The following LGR4 variants were observed in gnomAD, a reference collection of about 807,000 sequenced individuals.
LGR4 encodes the protein leucine-rich repeat-containing G protein-coupled receptor 4.
Under a neutral mutation model 84.8 loss-of-function variants are expected in LGR4, and 44 were observed. The observed-to-expected ratio is 0.52, with a 90% CI of 0.41 to 0.67. The LOEUF is 0.67. Ranked by LOEUF, LGR4 falls within the 30% of genes least tolerant of loss-of-function variation. The pLI, the probability that LGR4 is intolerant of heterozygous loss-of-function variation, is 0.00. For missense variants in LGR4, 1,032 were observed against 1,131.4 expected, an observed-to-expected ratio of 0.91 and a Z score of 1.26; for synonymous variants, 429 against 434.3, an observed-to-expected ratio of 0.99 and a Z score of 0.15.
rs547192960 is a variant in LGR4 at position 27,443,367 on chromosome 11, C to G, written c.185+28751G>C. On this transcript the variant is annotated intron_variant, in intron 1 of 17. Transcript: ENST00000379214. ...ACTGAACACCAGAGAGGTTAGAAGT[C>G]TGAACTAATGGGTAGGTGGTCTCTG... Among the ~76,000 whole-genome samples, 43 of 152,274 alleles carry G rather than the reference C, an allele frequency of 2.8e-4. 2 individuals carry two copies. The South Asian group carries it at 8.9e-3, about 32-fold the overall frequency.
At chr11:27,471,533 C>T (rs527269437) in intron 1 of LGR4, among the ~76,000 whole-genome samples, 31 of 152,360 alleles carry the variant, frequency 2.0e-4, no homozygotes, top group African/African-American at 7.2e-4. Context: ...GGAACTGGGC[C>T]GAGGTAGGTG....
At chr11:27,425,096 C>T (rs1863997942) in intron 1 of LGR4, among the ~76,000 whole-genome samples, 1 of 152,142 alleles carries the variant, frequency 6.6e-6, no homozygotes, top group South Asian at 2.1e-4. Context: ...CTCTGCTTAA[C>T]TTTATCAGTC....
intron 1 of LGR4, among the ~76,000 whole-genome samples, chr11:27,440,881 G>A (rs751772697): frequency 1.3e-5 from 2 of 152,192 alleles, no homozygotes; most frequent in South Asian, 2.1e-4. Context: ...AATCCTAGAG[G>A]TGGGTCTCAG....
rs550106279 is a variant in LGR4 at position 27,433,590 on chromosome 11, C to T, written c.186-20730G>A. Among the ~76,000 whole-genome samples the T allele has an allele frequency of 2.0e-5, 3 of 152,060 alleles. No homozygotes were observed. In the East Asian group the frequency reaches 5.8e-4, roughly 29 times the overall value. The stretch of plus-strand genomic sequence containing the variant: ...TCTTCAGAGTGTGCTCTAAACTATC[C>T]TCCCTGTGAATGTTTCTCCTATAGT... On this transcript the variant is annotated intron_variant, in intron 1 of 17. Coordinates refer to ENST00000379214, the MANE Select transcript of LGR4 (RefSeq NM_018490.5).
chr11:27,373,355 C>A, intron 15 of LGR4, 196 bp downstream of exon 15: 1 of 464,950 alleles, frequency 2.2e-6, no homozygotes, highest in East Asian at 3.2e-5. Flanking sequence ...ATCAAGGGCT[C>A]CAGTTCACAT....
At chr11:27,467,566 C>CAAAAAAAAAAAAAAA (rs761925670) in intron 1 of LGR4, among the ~76,000 whole-genome samples, 1 of 51,834 alleles carries the variant, frequency 1.9e-5, no homozygotes, top group African/African-American at 5.2e-5. Context: ...GAGTCCGTCT[C>CAAAAAAAAAAAAAAA]AAAAAAAAAA....
At chr11:27,382,750 G>T (rs1863120092) in intron 6 of LGR4, among the ~76,000 whole-genome samples, 1 of 152,170 alleles carries the variant, frequency 6.6e-6, no homozygotes, top group African/African-American at 2.4e-5. Context: ...CAGGCACAGT[G>T]GTTCATGCCT....
intron 1 of LGR4, among the ~76,000 whole-genome samples, chr11:27,458,361 G>A (rs2133451508): frequency 6.6e-6 from 1 of 152,096 alleles, no homozygotes; most frequent in Non-Finnish European, 1.5e-5. Context: ...ACTACAGAGA[G>A]GCATGGAAAT....
chr11:27,407,110 C>T (rs901773416), intron 2 of LGR4, among the ~76,000 whole-genome samples: 1 of 152,110 alleles, frequency 6.6e-6, no homozygotes, highest in African/African-American at 2.4e-5. Flanking sequence ...TTGGACAAGC[C>T]ACTTATCTAC....
intron 1 of LGR4, among the ~76,000 whole-genome samples, chr11:27,465,751 G>A (rs1010306259): frequency 7.2e-5 from 11 of 152,222 alleles, no homozygotes; most frequent in African/African-American, 2.4e-4. Flanking sequence ...AGACAATAGA[G>A]TTGACACCTA....
intron 1 of LGR4, among the ~76,000 whole-genome samples, chr11:27,463,894 G>A (rs953114212): frequency 3.3e-5 from 5 of 152,136 alleles, no homozygotes; most frequent in South Asian, 2.1e-4. Context: ...TAAGAATTCC[G>A]CGTACACTTC....
intron 1 of LGR4, among the ~76,000 whole-genome samples, chr11:27,420,658 TACAC>T (rs1379152693): frequency 6.6e-6 from 1 of 152,064 alleles, no homozygotes; most frequent in Non-Finnish European, 1.5e-5. Context: ...TGTACATTCA[TACAC>T]ACACACCTAT....
chr11:27,419,647 T>TA (rs1309088280), intron 1 of LGR4, among the ~76,000 whole-genome samples: 6 of 147,968 alleles, frequency 4.1e-5, no homozygotes, highest in Admixed American at 1.4e-4. Context: ...ATTATATATA[T>TA]ACACATATAT....
intron 1 of LGR4, among the ~76,000 whole-genome samples, chr11:27,459,123 G>A (rs937294458): frequency 6.6e-6 from 1 of 152,138 alleles, no homozygotes; most frequent in African/African-American, 2.4e-5. Flanking sequence ...TTGTTATTCA[G>A]CTTATGTTCA....
intron 1 of LGR4, among the ~76,000 whole-genome samples, chr11:27,443,818 C>A (rs1864341756): frequency 6.6e-6 from 1 of 152,152 alleles, no homozygotes; most frequent in East Asian, 1.9e-4. Flanking sequence ...GCAGTTAAAT[C>A]CAACAGCAGC....
chr11:27,415,329 T>G (rs1335829848), intron 1 of LGR4, among the ~76,000 whole-genome samples: 1 of 152,142 alleles, frequency 6.6e-6, no homozygotes, highest in Non-Finnish European at 1.5e-5. Flanking sequence ...ACAGAAAAAC[T>G]GATTAATTTC....
intron 10 of LGR4, 68 bp from the exon 11 acceptor site, chr11:27,378,836 A>G (rs1863037627): frequency 4.8e-6 from 5 of 1,051,698 alleles, no homozygotes; most frequent in Admixed American, 1.8e-5. Context: ...TTATTCCCAT[A>G]TAGAATAAGT....
intron 1 of LGR4, among the ~76,000 whole-genome samples, chr11:27,425,682 A>G (rs1395901459): frequency 2.0e-5 from 3 of 152,182 alleles, no homozygotes; most frequent in African/African-American, 4.8e-5. Context: ...TATGGACAGT[A>G]AATGAACTGA....
intron 2 of LGR4, among the ~76,000 whole-genome samples, chr11:27,397,190 T>C (rs1863408063): frequency 6.6e-6 from 1 of 152,190 alleles, no homozygotes; most frequent in Non-Finnish European, 1.5e-5. Flanking sequence ...TCTCCTTCAC[T>C]TGAAATACCC....
Sources: gnomAD v4.1 joint callset for allele counts (sites outside exome capture counted in the v4.1 genomes callset) on GRCh38, gnomAD v4.1.1 for gene constraint, MANE v1.5 for transcripts, NCBI Gene and HGNC (gene_info 2026-07-23, HGNC 2026-07-21) for gene names.